The following TPD52L1 variants were observed in gnomAD, a reference collection of about 807,000 sequenced individuals.
TPD52L1 encodes the protein TPD52 like 1.
A neutral mutation model predicts 28.7 loss-of-function variants in TPD52L1; 18 were observed. That is an observed-to-expected ratio of 0.63 (90% CI 0.43 to 0.93). TPD52L1 has a LOEUF of 0.93. Among genes scored for constraint, TPD52L1 ranks in the 40% least tolerant of loss-of-function variants. The pLI is 0.00. For missense variants in TPD52L1, 203 were observed against 254.8 expected (o/e 0.80, Z 1.39); for synonymous variants, 75 against 88.8 (o/e 0.84, Z 0.88).
chr6:125,258,854 C>T (rs2115065281), intron 6 of TPD52L1, among the ~76,000 whole-genome samples: 1 of 152,218 alleles, frequency 6.6e-6, no homozygotes, highest in Non-Finnish European at 1.5e-5. Flanking sequence ...CATGGTTTAA[C>T]AAGACTCACA....
At chr6:125,237,633 T>C (rs1796347226) in intron 3 of TPD52L1, among the ~76,000 whole-genome samples, 1 of 152,162 alleles carries the variant, frequency 6.6e-6, no homozygotes. Flanking sequence ...GTCCATAGTG[T>C]AATAATGTTT....
intron 4 of TPD52L1, chr6:125,252,171 C>T (rs1583019366): frequency 1.0e-6 from 1 of 967,166 alleles, no homozygotes; most frequent in East Asian, 2.7e-5. Flanking sequence ...GTTCCCGTGA[C>T]CAGGAAGATA....
At chr6:125,232,847 C>T (rs1156923042) in intron 3 of TPD52L1, among the ~76,000 whole-genome samples, 1 of 152,082 alleles carries the variant, frequency 6.6e-6, no homozygotes, top group Non-Finnish European at 1.5e-5. Context: ...TTGTTCTTGT[C>T]ATAGTTTTTT....
intron 3 of TPD52L1, among the ~76,000 whole-genome samples, chr6:125,238,440 T>C (rs1796411409): frequency 1.3e-5 from 2 of 152,164 alleles, no homozygotes; most frequent in African/African-American, 4.8e-5. Flanking sequence ...TTCTGAAATT[T>C]TGATGCACCC....
At chr6:125,155,045 C>T (rs974768233) in intron 1 of TPD52L1, among the ~76,000 whole-genome samples, 1 of 152,226 alleles carries the variant, frequency 6.6e-6, no homozygotes, top group Non-Finnish European at 1.5e-5. Context: ...AACAGGTTTG[C>T]TGCCAGGATT....
chr6:125,258,997 CT>C (rs1005163772), intron 6 of TPD52L1, among the ~76,000 whole-genome samples: 4 of 152,174 alleles, frequency 2.6e-5, no homozygotes, highest in East Asian at 3.9e-4. Context: ...TTTCTCTGTC[CT>C]TTTTTTTCCC....
chr6:125,224,778 G>T (rs1795496047), intron 2 of TPD52L1, among the ~76,000 whole-genome samples: 1 of 152,164 alleles, frequency 6.6e-6, no homozygotes, highest in African/African-American at 2.4e-5. Context: ...TAATCTAGCA[G>T]ATAAAACTGA....
At chr6:125,231,892 G>A (rs116551644) in intron 3 of TPD52L1, among the ~76,000 whole-genome samples, 131 of 152,286 alleles carry the variant, frequency 8.6e-4, no homozygotes, top group African/African-American at 3.0e-3. Flanking sequence ...CATAGGTAGT[G>A]AAGATTCAGT....
At chr6:125,246,926 T>G (rs1408849405) in intron 3 of TPD52L1, among the ~76,000 whole-genome samples, 1 of 152,052 alleles carries the variant, frequency 6.6e-6, no homozygotes, top group African/African-American at 2.4e-5. Flanking sequence ...GTTTTTATAC[T>G]TCCTAAAAAA....
chr6:125,195,386 TTCCAACAGG>T (rs1309077929), intron 1 of TPD52L1, among the ~76,000 whole-genome samples: 1 of 152,208 alleles, frequency 6.6e-6, no homozygotes, highest in African/African-American at 2.4e-5. Context: ...GTCTTCAGGG[TTCCAACAGG>T]TTTTAAATCA....
intron 1 of TPD52L1, among the ~76,000 whole-genome samples, chr6:125,182,743 G>A (rs936336741): frequency 1.3e-5 from 2 of 152,174 alleles, no homozygotes; most frequent in African/African-American, 4.8e-5. Context: ...ATACAGGATC[G>A]ATTCCATTTA....
chr6:125,154,142 T>G (rs1789954574), intron 1 of TPD52L1, 172 bp downstream of exon 1: 1 of 1,396,952 alleles, frequency 7.2e-7, no homozygotes, highest in African/African-American at 1.5e-5. Flanking sequence ...AAACTCAGGA[T>G]TTGCTGTGGG....
chr6:125,197,224 T>G (rs959257560), intron 1 of TPD52L1, among the ~76,000 whole-genome samples: 1 of 152,224 alleles, frequency 6.6e-6, no homozygotes. Context: ...AGATGTCCCT[T>G]TTCCAGATGA....
intron 1 of TPD52L1, among the ~76,000 whole-genome samples, chr6:125,155,879 C>T (rs1424680195): frequency 6.6e-6 from 1 of 152,132 alleles, no homozygotes; most frequent in Admixed American, 6.5e-5. Context: ...AGGAAACAAG[C>T]ATGGAAGGTA....
At chr6:125,243,804 G>A (rs957080960) in intron 3 of TPD52L1, among the ~76,000 whole-genome samples, 6 of 151,684 alleles carry the variant, frequency 4.0e-5, no homozygotes, top group Admixed American at 3.9e-4. Context: ...GCAATTCAGA[G>A]ATTTCGTCTT....
chr6:125,180,703 T>C (rs1446672131), intron 1 of TPD52L1, among the ~76,000 whole-genome samples: 1 of 152,120 alleles, frequency 6.6e-6, no homozygotes, highest in African/African-American at 2.4e-5. Flanking sequence ...ATGGAAAACA[T>C]GAAGGAGAGC....
intron 6 of TPD52L1, 186 bp from the exon 7 acceptor site, chr6:125,262,648 A>G (rs1798127370): frequency 1.3e-6 from 1 of 745,120 alleles, no homozygotes; most frequent in Non-Finnish European, 2.0e-6. Context: ...ATCCTATCCG[A>G]GAACCCAAGT....
chr6:125,212,460 G>A (rs1458899587), intron 1 of TPD52L1, among the ~76,000 whole-genome samples: 1 of 152,202 alleles, frequency 6.6e-6, no homozygotes, highest in Non-Finnish European at 1.5e-5. Context: ...CCTCTGTATT[G>A]TTTCAATCAT....
intron 1 of TPD52L1, among the ~76,000 whole-genome samples, chr6:125,181,261 G>A (rs1792176243): frequency 2.6e-5 from 4 of 152,082 alleles, no homozygotes; most frequent in Admixed American, 2.6e-4. Context: ...TCAAAATTCA[G>A]GATGACTAAG....
Sources: gnomAD v4.1 joint callset for allele counts (sites outside exome capture counted in the v4.1 genomes callset) on GRCh38, gnomAD v4.1.1 for gene constraint, MANE v1.5 for transcripts, NCBI Gene and HGNC (gene_info 2026-07-23, HGNC 2026-07-21) for gene names.